KLRG1: variants seen among roughly 807,000 people sequenced by gnomAD.
The protein encoded by KLRG1 is killer cell lectin-like receptor subfamily G member 1.
KLRG1 carries 16 observed loss-of-function variants against 21.8 expected under a neutral mutation model. The ratio of observed to expected loss-of-function variants is 0.73; its 90% CI spans 0.50 to 1.11. The LOEUF (loss-of-function observed/expected upper bound fraction) is 1.11. KLRG1 is among the 50% of genes most tolerant of loss of function. The probability of loss-of-function intolerance (pLI) is 0.00; values close to 1 mark genes in which losing one functional copy is unlikely to be tolerated. For synonymous variants in KLRG1, 69 were observed against 75.9 expected, an observed-to-expected ratio of 0.91 and a Z score of 0.47; for missense variants, 173 against 218.3, an observed-to-expected ratio of 0.79 and a Z score of 1.31.
the KLRG1 span, chr12:9,037,357 G>A: frequency 6.6e-6 from 1 of 152,250 alleles, no homozygotes; most frequent in Non-Finnish European, 1.5e-5. Context: ...CTAAACAAGA[G>A]CTATATTTTA....
the KLRG1 span, chr12:9,101,209 T>C: frequency 6.4e-7 from 1 of 1,556,682 alleles, no homozygotes; most frequent in Non-Finnish European, 8.7e-7. Context: ...TGCCATTATC[T>C]GCAAAAAAGG....
the KLRG1 span, among the ~76,000 whole-genome samples, chr12:9,181,572 T>C: frequency 6.6e-6 from 1 of 152,244 alleles, no homozygotes; most frequent in Non-Finnish European, 1.5e-5. Flanking sequence ...AGCTTAGTCT[T>C]GTCCTAAGGA....
chr12:9,100,796 GAGCTAAGCTATTAGGAAGTGGC>G, the KLRG1 span, among the ~76,000 whole-genome samples: 4 of 152,316 alleles, frequency 2.6e-5, no homozygotes, highest in East Asian at 1.9e-4. Context: ...TCAGAAGTAG[GAGCTAAGCTATTAGGAAGTGGC>G]AGCTAAGCTA....
chr12:9,061,974 T>C, the KLRG1 span, among the ~76,000 whole-genome samples: 1 of 151,998 alleles, frequency 6.6e-6, no homozygotes, highest in South Asian at 2.1e-4. Flanking sequence ...TATATTTATA[T>C]AGTGTATAAA....
chr12:9,088,482 T>G, the KLRG1 span, among the ~76,000 whole-genome samples: 9 of 152,294 alleles, frequency 5.9e-5, no homozygotes, highest in African/African-American at 2.2e-4. Context: ...AAGGAAGTTA[T>G]GTTTTTAGGG....
chr12:8,956,703 T>C (rs1592233308), intron 1 of KLRG1, among the ~76,000 whole-genome samples: 1 of 152,198 alleles, frequency 6.6e-6, no homozygotes, highest in East Asian at 1.9e-4. Flanking sequence ...CACCTCAGGC[T>C]CCCAAAGTGT....
At chr12:8,997,228 G>T (rs1947159491) in intron 3 of KLRG1, among the ~76,000 whole-genome samples, 1 of 152,176 alleles carries the variant, frequency 6.6e-6, no homozygotes, top group Admixed American at 6.5e-5. Context: ...GGCCAAGTCA[G>T]TGCTGGAGAG....
chr12:9,145,142 C>G, the KLRG1 span, among the ~76,000 whole-genome samples: 1 of 152,082 alleles, frequency 6.6e-6, no homozygotes, highest in Non-Finnish European at 1.5e-5. Context: ...TATGTGTTTT[C>G]ATTGGGAGGT....
At chr12:8,956,388 G>A (rs12821842) in intron 1 of KLRG1, among the ~76,000 whole-genome samples, 55,831 of 152,038 alleles carry the variant, frequency 0.37, 11,379 homozygotes, top group Middle Eastern at 0.47. Flanking sequence ...TCGGGGTGCA[G>A]ACCTCGGGAT....
the KLRG1 span, chr12:9,153,394 G>C: frequency 6.6e-7 from 1 of 1,504,852 alleles, no homozygotes; most frequent in African/African-American, 1.4e-5. Flanking sequence ...TTTGGCATCT[G>C]GGATTTTCCC....
chr12:9,020,050 T>C, the KLRG1 span, among the ~76,000 whole-genome samples: 47,087 of 129,844 alleles, frequency 0.36, 9,028 homozygotes, highest in Non-Finnish European at 0.46. Context: ...TTTGTATACA[T>C]ATATATATAT....
the KLRG1 span, chr12:9,090,408 G>C: frequency 1.2e-6 from 2 of 1,613,912 alleles, no homozygotes; most frequent in Non-Finnish European, 1.7e-6. Context: ...CGTTTGCACA[G>C]ATGCAGTGAG....
chr12:9,160,994 C>T, the KLRG1 span: 9 of 1,469,142 alleles, frequency 6.1e-6, no homozygotes, highest in Admixed American at 1.5e-4. Context: ...ACAGTGGCAA[C>T]TCTTTTGGCC....
chr12:9,144,160 T>C, the KLRG1 span, among the ~76,000 whole-genome samples: 3 of 151,256 alleles, frequency 2.0e-5, no homozygotes, highest in Non-Finnish European at 4.4e-5. Context: ...CAGAGCCACA[T>C]GAGGAAGAGA....
intron 1 of KLRG1, among the ~76,000 whole-genome samples, chr12:8,967,299 A>T (rs1198874188): frequency 6.6e-6 from 1 of 152,112 alleles, no homozygotes. Flanking sequence ...ACAAACCTGT[A>T]AGTTGTGCAT....
At position 9,010,097 on chromosome 12, in the gene KLRG1, G is replaced by A; in HGVS notation, c.*560G>A. 7.7e-7 allele frequency: 1 copy of A among 1,297,806 alleles called. No individual in the cohort carries two copies. Among genetic ancestry groups the A allele is most frequent in the East Asian group, 2.5e-5 (1 of 39,630 alleles). 80.4% of individuals were successfully genotyped at this position (1,297,806 alleles called of 1,614,324 possible). On this transcript the variant is annotated 3_prime_UTR_variant, in exon 5 of 5. Coordinates refer to ENST00000356986, the MANE Select transcript of KLRG1 (RefSeq NM_005810.4). Reference sequence around the variant, plus strand: ...GCTATTTGGGAAGCTGAGGTGGGAGGGTCGCTTGAGCCCAGGAGTTTGAGG... The same window carrying A: ...GCTATTTGGGAAGCTGAGGTGGGAGAGTCGCTTGAGCCCAGGAGTTTGAGG...
At chr12:9,168,681 T>TA in the KLRG1 span, 279 of 491,312 alleles carry the variant, frequency 5.7e-4, no homozygotes, top group African/African-American at 2.6e-3. Context: ...CGGATGTATC[T>TA]AAAAAAAAAT....
At chr12:8,981,357 T>C (rs1292472673) in intron 1 of KLRG1, among the ~76,000 whole-genome samples, 1 of 152,124 alleles carries the variant, frequency 6.6e-6, no homozygotes, top group Non-Finnish European at 1.5e-5. Context: ...TAAACTTGGA[T>C]TATTTATTAA....
chr12:9,197,211 T>G, the KLRG1 span: 8 of 868,536 alleles, frequency 9.2e-6, no homozygotes, highest in African/African-American at 1.0e-4. Context: ...CTCTTTAGAG[T>G]TGCCTACACA....
Sources: gnomAD v4.1 joint callset for allele counts (sites outside exome capture counted in the v4.1 genomes callset) on GRCh38, gnomAD v4.1.1 for gene constraint, MANE v1.5 for transcripts, NCBI Gene and HGNC (gene_info 2026-07-23, HGNC 2026-07-21) for gene names.